Variants in ENPP3 observed in about 807,000 individuals in gnomAD.
The protein encoded by ENPP3 is ectonucleotide pyrophosphatase/phosphodiesterase 3, also known as ectonucleotide pyrophosphatase/phosphodiesterase family member 3.
ENPP3 carries 104 observed loss-of-function variants against 117.8 expected under a neutral mutation model. The observed-to-expected ratio is 0.88, with a 90% confidence interval of 0.75 to 1.04. ENPP3 has a LOEUF of 1.04. Among genes scored for constraint, ENPP3 ranks in the 50% least tolerant of loss-of-function variants. ENPP3 has a pLI of 0.00. For synonymous variants in ENPP3, 380 were observed against 349.9 expected, an observed-to-expected ratio of 1.09 and a Z score of -0.96; for missense variants, 1,026 against 1,051.9, an observed-to-expected ratio of 0.98 and a Z score of 0.34.
At chr6:131,716,606 A>G (rs930305855) in intron 15 of ENPP3, among the ~76,000 whole-genome samples, 4 of 149,942 alleles carry the variant, frequency 2.7e-5, no homozygotes, top group African/African-American at 9.8e-5. Context: ...CTCCTACTAA[A>G]TAATTCCATT....
intron 14 of ENPP3, among the ~76,000 whole-genome samples, chr6:131,687,152 T>A (rs942359287): frequency 1.3e-5 from 2 of 152,194 alleles, no homozygotes; most frequent in African/African-American, 4.8e-5. Flanking sequence ...AAGTGTTCCT[T>A]TCTCTGCAGC....
intron 11 of ENPP3, among the ~76,000 whole-genome samples, chr6:131,679,033 C>CTTTCTT (rs1562446920): frequency 6.0e-5 from 6 of 99,334 alleles, no homozygotes; most frequent in Non-Finnish European, 1.1e-4. Context: ...TTCCTTCTTT[C>CTTTCTT]TTTCTTTCTT....
chr6:131,745,170 G>C (rs1780609214), intron 24 of ENPP3, among the ~76,000 whole-genome samples: 1 of 151,950 alleles, frequency 6.6e-6, no homozygotes, highest in South Asian at 2.1e-4. Context: ...AGTGATCAAA[G>C]ATATTAGGTG....
At position 131,746,769 on chromosome 6, in the gene ENPP3, G is replaced by A. The variant is rs759893661; in HGVS notation, c.2458-17G>A. On this transcript the variant is annotated splice_polypyrimidine_tract_variant and intron_variant, in intron 24 of 24. Transcript: ENST00000357639. The stretch of plus-strand genomic sequence containing the variant: ...ACTGCCTTGTGAAAAAAAAAGTGTT[G>A]TGCTTTTCTTTTTCAGGAAGGTAAA... 6.3e-7 allele frequency: 1 copy of A among 1,586,516 alleles called. No homozygotes were observed. Among genetic ancestry groups the A allele is most frequent in the South Asian group, 1.2e-5 (1 of 84,940 alleles).
chr6:131,713,580 C>G (rs1195265140), intron 15 of ENPP3, among the ~76,000 whole-genome samples: 1 of 149,892 alleles, frequency 6.7e-6, no homozygotes, highest in African/African-American at 2.4e-5. Context: ...ACCAGTATTT[C>G]TCGTTTTGCA....
intron 7 of ENPP3, among the ~76,000 whole-genome samples, chr6:131,671,574 C>T (rs2066889): frequency 6.6e-6 from 1 of 152,048 alleles, no homozygotes; most frequent in Non-Finnish European, 1.5e-5. Context: ...CAAAAACAGA[C>T]CCTTTGATGT....
At chr6:131,725,054 CAA>C (rs34304450) in intron 19 of ENPP3, among the ~76,000 whole-genome samples, 21,670 of 87,280 alleles carry the variant, frequency 0.25, 2,329 homozygotes, top group East Asian at 0.4. Flanking sequence ...ACTAAAAATA[CAA>C]AAAAAAAAAA....
chr6:131,651,121 T>A (rs1778253243), intron 3 of ENPP3, among the ~76,000 whole-genome samples: 1 of 152,120 alleles, frequency 6.6e-6, no homozygotes, highest in East Asian at 1.9e-4. Flanking sequence ...GGTTTCACCA[T>A]GTTGGCCAGG....
At chr6:131,652,087 C>T (rs1207599264) in intron 3 of ENPP3, among the ~76,000 whole-genome samples, 1 of 152,252 alleles carries the variant, frequency 6.6e-6, no homozygotes, top group Non-Finnish European at 1.5e-5. Context: ...TCACTTTCCA[C>T]TGAGAAGTAC....
chr6:131,732,878 C>A (rs939407137), intron 20 of ENPP3, among the ~76,000 whole-genome samples: 1 of 151,238 alleles, frequency 6.6e-6, no homozygotes, highest in Non-Finnish European at 1.5e-5. Flanking sequence ...TACAGGTGCC[C>A]GCCACCATAC....
chr6:131,679,022 C>T lies in ENPP3; in HGVS notation c.1011+1082C>T, dbSNP rs371741862. 2.7e-3 allele frequency among the ~76,000 whole-genome samples: 162 copies of T among 58,998 alleles called. 2 individuals carry two copies. Among genetic ancestry groups the T allele is most frequent in the East Asian group, 0.01 (17 of 1,634 alleles). 38.7% of individuals were successfully genotyped at this position (58,998 alleles called of 152,430 possible). ...CCTTGCTTCCTTCCTTCCTTCCTTC[C>T]TTCCTTCTTTCTTTCTTTCTTTCTT... On this transcript the variant is annotated intron_variant, in intron 11 of 24. Transcript: ENST00000357639.
chr6:131,650,775 C>T (rs1778246741), intron 3 of ENPP3, among the ~76,000 whole-genome samples: 1 of 152,174 alleles, frequency 6.6e-6, no homozygotes, highest in Non-Finnish European at 1.5e-5. Context: ...GCTCCAGGCT[C>T]TGCCTTCATC....
At chr6:131,701,817 G>A (rs1452057713) in intron 15 of ENPP3, among the ~76,000 whole-genome samples, 1 of 150,906 alleles carries the variant, frequency 6.6e-6, no homozygotes, top group African/African-American at 2.5e-5. Flanking sequence ...AGGAGGCGGA[G>A]CTTGCAGTGA....
At position 131,654,113 on chromosome 6, in the gene ENPP3, T is replaced by C. The variant is rs539388501; in HGVS notation, c.464+1222T>C. 3.0e-3 allele frequency among the ~76,000 whole-genome samples: 219 copies of C among 73,896 alleles called. 1 individual carries two copies. Among genetic ancestry groups the C allele is most frequent in the African/African-American group, 8.6e-3 (209 of 24,400 alleles). 48.5% of individuals were successfully genotyped at this position (73,896 alleles called of 152,430 possible). ...AGGCAGTTTTTAAATTTAAGTTTTA[T>C]TATTATTATTATTATTATTATTATT... is the stretch of plus-strand genomic sequence containing the variant. On this transcript the variant is annotated intron_variant, in intron 5 of 24. Transcript: ENST00000357639.
chr6:131,735,050 A>G (rs1023484834), intron 21 of ENPP3, among the ~76,000 whole-genome samples: 12 of 152,236 alleles, frequency 7.9e-5, no homozygotes, highest in African/African-American at 2.9e-4. Flanking sequence ...TTGTCTCAAA[A>G]AATTAAGGAT....
At chr6:131,675,436 A>G (rs1778846223) in intron 9 of ENPP3, 1 of 394,842 alleles carries the variant, frequency 2.5e-6, no homozygotes, top group Non-Finnish European at 4.6e-6. Flanking sequence ...TCGAGCTGTC[A>G]TCTCTTGCCT....
chr6:131,674,371 T>C, intron 8 of ENPP3, 90 bp downstream of exon 8: 2 of 1,264,736 alleles, frequency 1.6e-6, no homozygotes, highest in Non-Finnish European at 2.3e-6. Flanking sequence ...GAGCAAGTTC[T>C]ATGTCACCCA....
chr6:131,670,910 A>C (rs1472370384), intron 6 of ENPP3, among the ~76,000 whole-genome samples: 1 of 152,168 alleles, frequency 6.6e-6, no homozygotes, highest in Non-Finnish European at 1.5e-5. Flanking sequence ...GACCATATTC[A>C]TTTGTTTATT....
chr6:131,720,160 TA>T (rs1442269910), intron 16 of ENPP3, 131 bp from the exon 17 acceptor site: 547 of 539,112 alleles, frequency 1.0e-3, no homozygotes, highest in South Asian at 1.9e-3. Flanking sequence ...TTTTCAAAAC[TA>T]AAAAAAAATT....
Sources: gnomAD v4.1 joint callset for allele counts (sites outside exome capture counted in the v4.1 genomes callset) on GRCh38, gnomAD v4.1.1 for gene constraint, MANE v1.5 for transcripts, NCBI Gene and HGNC (gene_info 2026-07-23, HGNC 2026-07-21) for gene names.